SNX30: variants seen among roughly 807,000 people sequenced by gnomAD.
SNX30 encodes the protein sorting nexin family member 30.
A neutral mutation model predicts 46.4 loss-of-function variants in SNX30; 24 were observed. That is an observed-to-expected ratio of 0.52 (90% CI 0.37 to 0.73). The LOEUF is 0.73. SNX30 is among the 30% of genes least tolerant of loss of function. The probability of loss-of-function intolerance (pLI) is 0.00; values close to 1 mark genes in which losing one functional copy is unlikely to be tolerated. For synonymous variants in SNX30, 189 were observed against 211.5 expected (o/e 0.89, Z 0.92); for missense variants, 533 against 555.7 (o/e 0.96, Z 0.41).
rs560356484 is a variant in SNX30 at position 112,764,913 on chromosome 9, T to A, written c.156+13756T>A. 5.9e-5 allele frequency among the ~76,000 whole-genome samples: 9 copies of A among 152,272 alleles called. No homozygotes were observed. The South Asian group carries it at 1.9e-3, about 32-fold the overall frequency. ...CTAACATCATCGACGCAGGGGGAGTTGTGGCAGCGCGCCTCCCTCACATTG... is the reference window on the plus strand; with the variant it reads ...CTAACATCATCGACGCAGGGGGAGTAGTGGCAGCGCGCCTCCCTCACATTG... On this transcript the variant is annotated intron_variant, in intron 1 of 8. Coordinates refer to ENST00000374232, the MANE Select transcript of SNX30 (RefSeq NM_001012994.2).
upstream of SNX30, chr9:112,750,514 C>T (rs1232066428): frequency 6.6e-6 from 1 of 152,302 alleles, no homozygotes; most frequent in Non-Finnish European, 1.5e-5. Context: ...CCTCTGATTT[C>T]CGTTAGACAT....
At position 112,823,860 on chromosome 9, in the gene SNX30, T is replaced by A. The variant is rs530718805; in HGVS notation, c.459+6045T>A. ...TTGAAACATTGGTTCAACTTCCTAA[T>A]GCTTTGCATTAAACTGGGCTTGGTG... On this transcript the variant is annotated intron_variant, in intron 3 of 8. Transcript: ENST00000374232. Among the ~76,000 whole-genome samples the A allele has an allele frequency of 1.6e-3, 249 of 152,376 alleles. 2 individuals are homozygous for A. Among genetic ancestry groups the A allele is most frequent in the African/African-American group, 5.4e-3 (224 of 41,592 alleles).
intron 7 of SNX30, among the ~76,000 whole-genome samples, chr9:112,854,127 C>A (rs556899912): frequency 6.6e-6 from 1 of 152,308 alleles, no homozygotes; most frequent in South Asian, 2.1e-4. Flanking sequence ...AGGACACATT[C>A]CTTTCCAAAG....
intron 5 of SNX30, among the ~76,000 whole-genome samples, chr9:112,838,205 G>T (rs192224725): frequency 6.6e-6 from 1 of 152,224 alleles, no homozygotes; most frequent in East Asian, 1.9e-4. Context: ...GGTTATTTTC[G>T]AAGATGTTTG....
chr9:112,849,783 C>T (rs1162404363), intron 6 of SNX30, among the ~76,000 whole-genome samples: 2 of 152,162 alleles, frequency 1.3e-5, no homozygotes, highest in African/African-American at 4.8e-5. Flanking sequence ...GTGACTCCTT[C>T]CTGCCTTGAC....
chr9:112,855,091 A>G (rs1210557077), intron 7 of SNX30, among the ~76,000 whole-genome samples: 4 of 152,058 alleles, frequency 2.6e-5, no homozygotes, highest in Non-Finnish European at 5.9e-5. Context: ...CCCTCCACAC[A>G]CCTGTCCTCC....
chr9:112,815,982 G>A (rs988547141), intron 2 of SNX30, among the ~76,000 whole-genome samples: 1 of 152,156 alleles, frequency 6.6e-6, no homozygotes, highest in Admixed American at 6.5e-5. Flanking sequence ...AGTAGGGACT[G>A]CAAGTATGCA....
At chr9:112,763,477 C>T (rs1254857927) in intron 1 of SNX30, among the ~76,000 whole-genome samples, 1 of 149,394 alleles carries the variant, frequency 6.7e-6, no homozygotes, top group East Asian at 2.0e-4. Flanking sequence ...CTACCTCGGC[C>T]TCCCAAAGTG....
chr9:112,849,881 G>A (rs541664259), intron 6 of SNX30, among the ~76,000 whole-genome samples: 5 of 152,342 alleles, frequency 3.3e-5, no homozygotes, highest in Non-Finnish European at 2.9e-5. Context: ...TAGTGGAAAA[G>A]AAAGGTCTCA....
At chr9:112,806,570 G>A (rs1840227115) in intron 2 of SNX30, among the ~76,000 whole-genome samples, 1 of 151,918 alleles carries the variant, frequency 6.6e-6, no homozygotes, top group Admixed American at 6.6e-5. Context: ...TGTAAGTTCT[G>A]TACCTTTTAA....
intron 7 of SNX30, among the ~76,000 whole-genome samples, chr9:112,860,323 C>A (rs996435316): frequency 6.6e-6 from 1 of 152,174 alleles, no homozygotes; most frequent in Non-Finnish European, 1.5e-5. Flanking sequence ...TTTCCATAAG[C>A]CTTTATAAAA....
intron 6 of SNX30, among the ~76,000 whole-genome samples, chr9:112,849,800 C>T (rs562841672): frequency 5.3e-5 from 8 of 152,174 alleles, no homozygotes; most frequent in African/African-American, 1.9e-4. Flanking sequence ...TGACTCCTCA[C>T]GCTGCTGGAA....
chr9:112,847,895 C>T (rs1840963562), intron 6 of SNX30, among the ~76,000 whole-genome samples: 4 of 152,166 alleles, frequency 2.6e-5, no homozygotes, highest in Admixed American at 2.6e-4. Context: ...TATTTTTCCT[C>T]CTAATGCCTA....
At chr9:112,863,828 T>C (rs1841276102) in intron 7 of SNX30, among the ~76,000 whole-genome samples, 1 of 152,230 alleles carries the variant, frequency 6.6e-6, no homozygotes, top group Non-Finnish European at 1.5e-5. Context: ...AACCTACCTC[T>C]TCTCTAGTTC....
intron 1 of SNX30, among the ~76,000 whole-genome samples, chr9:112,772,253 A>T (rs756538408): frequency 2.6e-5 from 4 of 152,140 alleles, no homozygotes; most frequent in Non-Finnish European, 5.9e-5. Flanking sequence ...AACAAGTGGA[A>T]ATGGAAGAAG....
At chr9:112,784,802 C>G (rs1004095574) in intron 1 of SNX30, among the ~76,000 whole-genome samples, 1 of 152,218 alleles carries the variant, frequency 6.6e-6, no homozygotes, top group African/African-American at 2.4e-5. Flanking sequence ...TCAAACCTCC[C>G]TCTCTGAAGC....
chr9:112,770,939 T>A (rs1225011647), intron 1 of SNX30, among the ~76,000 whole-genome samples: 2 of 152,180 alleles, frequency 1.3e-5, no homozygotes, highest in Non-Finnish European at 2.9e-5. Context: ...GAAGTTGCAG[T>A]GAGCCGAGAT....
chr9:112,789,664 A>G (rs1186060666), intron 1 of SNX30, among the ~76,000 whole-genome samples: 2 of 152,236 alleles, frequency 1.3e-5, no homozygotes, highest in African/African-American at 2.4e-5. Context: ...CCTAAGAATC[A>G]TAAGAATGTC....
intron 6 of SNX30, among the ~76,000 whole-genome samples, chr9:112,839,273 G>A (rs566871498): frequency 2.6e-5 from 4 of 152,288 alleles, no homozygotes; most frequent in East Asian, 1.9e-4. Context: ...GACATAAATC[G>A]TCTGATTAAA....
Sources: gnomAD v4.1 joint callset for allele counts (sites outside exome capture counted in the v4.1 genomes callset) on GRCh38, gnomAD v4.1.1 for gene constraint, MANE v1.5 for transcripts, NCBI Gene and HGNC (gene_info 2026-07-23, HGNC 2026-07-21) for gene names.